The following PARD3B variants were observed in gnomAD, a reference collection of about 807,000 sequenced individuals.
PARD3B encodes the protein par-3 family cell polarity regulator beta.
Under a neutral mutation model 130.2 loss-of-function variants are expected in PARD3B, and 103 were observed. The observed-to-expected ratio is 0.79, with a 90% CI of 0.67 to 0.93. PARD3B has a LOEUF of 0.93. PARD3B is among the 40% of genes least tolerant of loss of function. The pLI is 0.00. For synonymous variants in PARD3B, 583 were observed against 553.2 expected (o/e 1.05, Z -0.76); for missense variants, 1,609 against 1,499.2 (o/e 1.07, Z -1.21).
intron 18 of PARD3B, among the ~76,000 whole-genome samples, chr2:205,360,141 T>C (rs999059817): frequency 3.3e-5 from 5 of 152,222 alleles, no homozygotes; most frequent in African/African-American, 1.2e-4. Flanking sequence ...TTACATGAAT[T>C]TCTCTCATTG....
Position 204,545,713 on chromosome 2 carries a change from G to GGGA in PARD3B, c.-270_-268dup, listed in dbSNP as rs1233311761. 6.3e-5 allele frequency: 14 copies of GGGA among 223,766 alleles called. No homozygotes were observed. The highest frequency in any genetic ancestry group is 3.2e-4 in the South Asian group (4 of 12,464). 13.9% of individuals were successfully genotyped at this position (223,766 alleles called of 1,614,324 possible). ...GCCTGGGCCGGGCAGGAGTAGGAGC[G>GGGA]GGAGGAGGAGGAGGAGGAGCCGGTG... On this transcript the variant is annotated 5_prime_UTR_variant, in exon 1 of 23. Coordinates refer to ENST00000406610, the MANE Select transcript of PARD3B (RefSeq NM_001302769.2).
At chr2:204,772,857 T>G (rs1446027234) in intron 2 of PARD3B, among the ~76,000 whole-genome samples, 3 of 151,824 alleles carry the variant, frequency 2.0e-5, no homozygotes, top group Non-Finnish European at 4.4e-5. Flanking sequence ...AGTAAATGAG[T>G]GTATGCTAAC....
In PARD3B at chr2:204,698,415, G is replaced by A. The variant is rs2037719883; in HGVS notation, c.222+12133G>A. 2.0e-5 allele frequency among the ~76,000 whole-genome samples: 3 copies of A among 152,206 alleles called. No homozygotes were observed. The South Asian group carries it at 6.2e-4, about 32-fold the overall frequency. ...ATTACACATCTTAAAATCTGGAGGG[G>A]TAAAAATGCATATTCCAGTTGTTTG... is the stretch of plus-strand genomic sequence containing the variant. On this transcript the variant is annotated intron_variant, in intron 2 of 22. Coordinates refer to ENST00000406610, the MANE Select transcript of PARD3B (RefSeq NM_001302769.2).
intron 5 of PARD3B, among the ~76,000 whole-genome samples, chr2:205,110,667 G>A (rs1196919283): frequency 2.9e-5 from 4 of 135,668 alleles, no homozygotes; most frequent in Non-Finnish European, 6.3e-5. Context: ...GCTGTCAACC[G>A]CTTTTTCTTT....
intron 20 of PARD3B, among the ~76,000 whole-genome samples, chr2:205,487,399 A>G (rs1192304157): frequency 6.6e-6 from 1 of 152,066 alleles, no homozygotes; most frequent in Non-Finnish European, 1.5e-5. Flanking sequence ...GTTTTGTTAT[A>G]TTTTTCACTT....
rs1689065832 is a variant in PARD3B at position 204,943,354 on chromosome 2, A to C, written c.223-21798A>C. 1.3e-5 allele frequency among the ~76,000 whole-genome samples: 2 copies of C among 152,210 alleles called. No individual in the cohort carries two copies. The highest frequency in any genetic ancestry group is 1.3e-4 in the Admixed American group (2 of 15,294). On this transcript the variant is annotated intron_variant, in intron 2 of 22. Transcript: ENST00000406610. This position sits in a 1 kb window ranked among gnomAD's most constrained non-coding sequence, Gnocchi z 4.2. ...CTATGATGAGAAAGAGGTTAGAGGT[A>C]GACTGGCTGCTGGAAAAGAGAAGCC... is the stretch of plus-strand genomic sequence containing the variant.
chr2:205,256,281 T>G (rs2040079545), intron 16 of PARD3B, among the ~76,000 whole-genome samples: 2 of 152,238 alleles, frequency 1.3e-5, no homozygotes, highest in South Asian at 2.1e-4. Context: ...AGGAAAACTC[T>G]TATCTATTGC....
At chr2:205,593,469 T>C (rs1277002833) in intron 22 of PARD3B, among the ~76,000 whole-genome samples, 1 of 152,248 alleles carries the variant, frequency 6.6e-6, no homozygotes, top group Non-Finnish European at 1.5e-5. Flanking sequence ...TGCCAAATTT[T>C]AGTTCACTAA....
chr2:204,953,410 TACAC>T (rs748325733), intron 2 of PARD3B, among the ~76,000 whole-genome samples: 2 of 115,750 alleles, frequency 1.7e-5, no homozygotes, highest in Non-Finnish European at 3.5e-5. Context: ...TATGTTAACA[TACAC>T]ACACACAGAG....
At chr2:204,693,721 C>A (rs137863313) in intron 2 of PARD3B, among the ~76,000 whole-genome samples, 1 of 152,008 alleles carries the variant, frequency 6.6e-6, no homozygotes, top group Non-Finnish European at 1.5e-5. Context: ...CCACTTCAAC[C>A]GCAGTGGTGG....
intron 18 of PARD3B, among the ~76,000 whole-genome samples, chr2:205,336,106 G>A (rs190924616): frequency 1.1e-4 from 17 of 152,230 alleles, no homozygotes; most frequent in South Asian, 2.1e-4. Context: ...TACGCACCTC[G>A]GCCTCCCAAA....
intron 22 of PARD3B, among the ~76,000 whole-genome samples, chr2:205,595,322 G>A (rs138005580): frequency 6.6e-5 from 10 of 152,326 alleles, no homozygotes; most frequent in Admixed American, 5.9e-4. Flanking sequence ...CAAAGGCAGA[G>A]CCTGGAATTC....
chr2:204,778,821 A>G (rs2041732949), intron 2 of PARD3B, among the ~76,000 whole-genome samples: 1 of 152,004 alleles, frequency 6.6e-6, no homozygotes. Flanking sequence ...CTTCCCATGC[A>G]TTCTCCTATG....
At chr2:205,535,385 T>G (rs2051802996) in intron 21 of PARD3B, among the ~76,000 whole-genome samples, 1 of 152,176 alleles carries the variant, frequency 6.6e-6, no homozygotes, top group Non-Finnish European at 1.5e-5. Context: ...TCATAGGACA[T>G]TTCAAAACTA....
At chr2:204,592,522 T>C (rs962355206) in intron 1 of PARD3B, among the ~76,000 whole-genome samples, 1 of 152,228 alleles carries the variant, frequency 6.6e-6, no homozygotes, top group Non-Finnish European at 1.5e-5. Context: ...GTAAAACTTA[T>C]TGTCATAGTA....
At chr2:205,425,038 AG>A (rs2047096927) in intron 19 of PARD3B, among the ~76,000 whole-genome samples, 1 of 152,314 alleles carries the variant, frequency 6.6e-6, no homozygotes, top group East Asian at 1.9e-4. Context: ...GGGCTCCCCC[AG>A]GGGCAGATTC....
intron 2 of PARD3B, among the ~76,000 whole-genome samples, chr2:204,810,289 G>A (rs761775701): frequency 1.3e-5 from 2 of 152,082 alleles, no homozygotes; most frequent in Non-Finnish European, 2.9e-5. Flanking sequence ...ATGTTGAATA[G>A]GCATGATAAG....
chr2:205,595,771 A>T, intron 22 of PARD3B, among the ~76,000 whole-genome samples: 1 of 152,220 alleles, frequency 6.6e-6, no homozygotes, highest in Non-Finnish European at 1.5e-5. Flanking sequence ...GAGCTCACTC[A>T]CAATAAAACC....
chr2:204,918,727 C>T (rs1014546005), intron 2 of PARD3B, among the ~76,000 whole-genome samples: 14 of 151,840 alleles, frequency 9.2e-5, no homozygotes, highest in Non-Finnish European at 1.6e-4. Context: ...TTAAGATACT[C>T]GATGTGCAGT....
Sources: allele counts gnomAD v4.1 joint callset (sites outside exome capture counted in the v4.1 genomes callset), GRCh38; gene constraint gnomAD v4.1.1; non-coding constraint Gnocchi (gnomAD v3.1); transcripts MANE v1.5; gene names NCBI Gene and HGNC (gene_info 2026-07-23, HGNC 2026-07-21).